CREBRF: variants seen among roughly 807,000 people sequenced by gnomAD.
The protein encoded by CREBRF is CREB3 regulatory factor, also known as UPF0474 protein C5orf41.
Under a neutral mutation model 66.1 loss-of-function variants are expected in CREBRF, and 5 were observed. The observed-to-expected ratio is 0.08, with a 90% CI of 0.04 to 0.16. The LOEUF (loss-of-function observed/expected upper bound fraction) is 0.16. Among genes scored for constraint, CREBRF ranks in the 10% least tolerant of loss-of-function variants. CREBRF has a pLI of 1.00. For synonymous variants in CREBRF, 229 were observed against 264.4 expected, an observed-to-expected ratio of 0.87 and a Z score of 1.30; for missense variants, 531 against 744.9, an observed-to-expected ratio of 0.71 and a Z score of 3.34.
intron 1 of CREBRF, among the ~76,000 whole-genome samples, chr5:173,076,037 A>G (rs1757751345): frequency 6.7e-6 from 1 of 148,284 alleles, no homozygotes; most frequent in Non-Finnish European, 1.5e-5. Context: ...CCTGGGCAAC[A>G]TAATAAGACC....
chr5:173,136,499 G>A lies in CREBRF; in HGVS notation c.*2754G>A, dbSNP rs1030714473. The A allele has an allele frequency of 3.3e-5, 5 of 152,434 alleles. No homozygotes were observed. Among genetic ancestry groups the A allele is most frequent in the African/African-American group, 1.2e-4 (5 of 41,430 alleles). The allele number at this position is 152,434 out of a possible 1,614,324, so 9.4% of individuals were successfully genotyped here. On this transcript the variant is annotated 3_prime_UTR_variant, in exon 9 of 9. Transcript: ENST00000296953. ...CGATACTTGATCTATATAAAAACCTGGCAGTAAAATGTAGAGTGAAAGTTA... is the reference window on the plus strand; with the variant it reads ...CGATACTTGATCTATATAAAAACCTAGCAGTAAAATGTAGAGTGAAAGTTA...
chr5:173,083,292 CCTTT>C (rs1334164671), intron 2 of CREBRF, among the ~76,000 whole-genome samples: 3 of 152,032 alleles, frequency 2.0e-5, no homozygotes, highest in Non-Finnish European at 4.4e-5. Context: ...CAAATTGAGG[CCTTT>C]CTATTATTTG....
intron 4 of CREBRF, among the ~76,000 whole-genome samples, chr5:173,108,092 A>T (rs1009292165): frequency 6.6e-6 from 1 of 151,470 alleles, no homozygotes. Flanking sequence ...TCAGCCTCCC[A>T]AAGTGCTGGG....
At chr5:173,093,853 G>A (rs534960957) in intron 4 of CREBRF, among the ~76,000 whole-genome samples, 5 of 152,262 alleles carry the variant, frequency 3.3e-5, no homozygotes, top group African/African-American at 1.2e-4. Context: ...CTGTATGTTA[G>A]ATCTCCAGAG....
chr5:173,127,187 C>T (rs1305096080), intron 8 of CREBRF, among the ~76,000 whole-genome samples: 6 of 127,216 alleles, frequency 4.7e-5, no homozygotes, highest in African/African-American at 1.8e-4. Context: ...TTTTTTGAGA[C>T]AGTCTCCCTC....
At chr5:173,061,874 C>G (rs1757282836) in intron 1 of CREBRF, among the ~76,000 whole-genome samples, 1 of 151,964 alleles carries the variant, frequency 6.6e-6, no homozygotes, top group Non-Finnish European at 1.5e-5. Flanking sequence ...TTTTTGATAA[C>G]TTTTGCTTTA....
intron 5 of CREBRF, 50 bp downstream of exon 5, chr5:173,108,868 G>T: frequency 6.5e-7 from 1 of 1,535,742 alleles, no homozygotes. Flanking sequence ...ATCAAGTTGA[G>T]CTACTAATCC....
rs536962764 is a variant in CREBRF, at chr5:173,088,255, C to CTTTTT, written c.135+1654_135+1658dup. ...CCAATATTGCTTCATCAAATACATT[C>CTTTTT]TTTTTTTTTTTTTTTTTTTTTTTTT... On this transcript the variant is annotated intron_variant, in intron 3 of 8. Transcript: ENST00000296953. 2.1e-4 allele frequency among the ~76,000 whole-genome samples: 14 copies of CTTTTT among 66,862 alleles called. 1 individual carries two copies. Among genetic ancestry groups the CTTTTT allele is most frequent in the Non-Finnish European group, 2.3e-4 (9 of 39,182 alleles). 43.9% of individuals were successfully genotyped at this position (66,862 alleles called of 152,430 possible). A position where few individuals can be genotyped will look rare whatever the true frequency, so the allele number is the denominator to read the frequency against.
intron 2 of CREBRF, chr5:173,085,259 A>G: frequency 1.9e-6 from 1 of 534,546 alleles, no homozygotes. Context: ...TTAATTTTTA[A>G]TCTTTAGTTT....
rs1759556233 is a variant in CREBRF at position 173,135,075 on chromosome 5, A to G, written c.*1330A>G. 6.6e-6 allele frequency: 1 copy of G among 152,036 alleles called. No individual in the cohort carries two copies. Among genetic ancestry groups the G allele is most frequent in the African/African-American group, 2.4e-5 (1 of 41,470 alleles). 9.4% of individuals were successfully genotyped at this position (152,036 alleles called of 1,614,324 possible). A position where few individuals can be genotyped will look rare whatever the true frequency, so the allele number is the denominator to read the frequency against. On this transcript the variant is annotated 3_prime_UTR_variant, in exon 9 of 9. Coordinates refer to ENST00000296953, the MANE Select transcript of CREBRF (RefSeq NM_153607.3). ...ATAGATTATTTTTATTGTATTATGT[A>G]TATATATATATGTAAAGAAAGAAAA...
chr5:173,063,437 G>A (rs903977779), intron 1 of CREBRF, among the ~76,000 whole-genome samples: 2 of 150,534 alleles, frequency 1.3e-5, no homozygotes, highest in African/African-American at 2.4e-5. Context: ...GCGCCATCTC[G>A]GCTCACTGCA....
Position 173,134,381 on chromosome 5 carries a change from T to TCCCC in CREBRF, c.*636_*637insCCCC. The TCCCC allele has an allele frequency of 3.1e-6, 1 of 325,036 alleles. No individual in the cohort carries two copies. Among genetic ancestry groups the TCCCC allele is most frequent in the Non-Finnish European group, 6.2e-6 (1 of 161,874 alleles). The allele number at this position is 325,036 out of a possible 1,614,324, so 20.1% of individuals were successfully genotyped here. A position where few individuals can be genotyped will look rare whatever the true frequency, so the allele number is the denominator to read the frequency against. ...TGGGGAAACTCTAAAACTGGTAATATTTTGTATGATGAAAACCCTAATGAG... is the reference window on the plus strand; with the variant it reads ...TGGGGAAACTCTAAAACTGGTAATATCCCCTTTGTATGATGAAAACCCTAATGAG... On this transcript the variant is annotated 3_prime_UTR_variant, in exon 9 of 9. Coordinates refer to ENST00000296953, the MANE Select transcript of CREBRF (RefSeq NM_153607.3).
At chr5:173,077,099 A>G (rs899654897) in intron 1 of CREBRF, among the ~76,000 whole-genome samples, 1 of 151,586 alleles carries the variant, frequency 6.6e-6, no homozygotes, top group Non-Finnish European at 1.5e-5. Context: ...GCCCGCCACC[A>G]TGTCCAGCTA....
intron 1 of CREBRF, among the ~76,000 whole-genome samples, chr5:173,073,337 A>C (rs1057284653): frequency 6.6e-6 from 1 of 152,192 alleles, no homozygotes; most frequent in African/African-American, 2.4e-5. Context: ...AGACTATATT[A>C]CCTAGATGTT....
Position 173,058,480 on chromosome 5 carries a change from ATTTTT to A in CREBRF, c.-192+2013_-192+2017del, listed in dbSNP as rs548393057. Among the ~76,000 whole-genome samples, 6 of 145,142 alleles carry A rather than the reference ATTTTT, an allele frequency of 4.1e-5. No homozygotes were observed. In the South Asian group the frequency reaches 6.6e-4, roughly 16 times the overall value. ...AGAATAATTGGTAACTGATTCATCAATTTTTTTTTTTTTTTTAATTTGAGACGGAG... is the reference window on the plus strand; with the variant it reads ...AGAATAATTGGTAACTGATTCATCAATTTTTTTTTTTAATTTGAGACGGAG... On this transcript the variant is annotated intron_variant, in intron 1 of 8. Coordinates refer to ENST00000296953, the MANE Select transcript of CREBRF (RefSeq NM_153607.3).
At position 173,131,695 on chromosome 5, in the gene CREBRF, T is replaced by TACAC. The variant is rs67580803; in HGVS notation, c.1805-1902_1805-1899dup. The stretch of plus-strand genomic sequence containing the variant: ...ACATGGTTAAGCTTGTATATATGTA[T>TACAC]ACACACACACACACACACACACACA... On this transcript the variant is annotated intron_variant, in intron 8 of 8. Transcript: ENST00000296953. 3.5e-3 allele frequency among the ~76,000 whole-genome samples: 519 copies of TACAC among 149,034 alleles called. 2 individuals are homozygous for TACAC. The highest frequency in any genetic ancestry group is 0.019 in the East Asian group (96 of 5,010).
intron 2 of CREBRF, chr5:173,086,297 T>C (rs1758143762): frequency 1.5e-6 from 1 of 646,118 alleles, no homozygotes; most frequent in African/African-American, 1.8e-5. Flanking sequence ...CTCTATTTTT[T>C]CTATTTTTAG....
intron 4 of CREBRF, among the ~76,000 whole-genome samples, chr5:173,095,823 T>C (rs75952783): frequency 6.6e-6 from 1 of 152,014 alleles, no homozygotes; most frequent in African/African-American, 2.4e-5. Context: ...TTTTTTTTTT[T>C]AGTGTGATAC....
intron 8 of CREBRF, among the ~76,000 whole-genome samples, chr5:173,126,625 G>T (rs1359375886): frequency 6.6e-6 from 1 of 152,114 alleles, no homozygotes; most frequent in African/African-American, 2.4e-5. Flanking sequence ...TTCTCAAGTT[G>T]ACTCTGCTGT....
Sources: allele counts gnomAD v4.1 joint callset (sites outside exome capture counted in the v4.1 genomes callset), GRCh38; gene constraint gnomAD v4.1.1; transcripts MANE v1.5; gene names NCBI Gene and HGNC (gene_info 2026-07-23, HGNC 2026-07-21).